SREBF2: variants seen among roughly 807,000 people sequenced by gnomAD.
The protein encoded by SREBF2 is sterol regulatory element binding transcription factor 2.
Under a neutral mutation model 113.1 loss-of-function variants are expected in SREBF2, and 55 were observed. That is an observed-to-expected ratio of 0.49 (90% confidence interval 0.39 to 0.61). The LOEUF (loss-of-function observed/expected upper bound fraction) is 0.61. Among genes scored for constraint, SREBF2 ranks in the 20% least tolerant of loss-of-function variants. The probability of loss-of-function intolerance (pLI) is 0.00; values close to 1 mark genes in which losing one functional copy is unlikely to be tolerated. For missense variants in SREBF2, 1,349 were observed against 1,487.4 expected, an observed-to-expected ratio of 0.91 and a Z score of 1.53; for synonymous variants, 593 against 605.7, an observed-to-expected ratio of 0.98 and a Z score of 0.31.
chr22:41,850,147 A>G (rs974857698), intron 1 of SREBF2, among the ~76,000 whole-genome samples: 1 of 150,174 alleles, frequency 6.7e-6, no homozygotes, highest in African/African-American at 2.5e-5. Context: ...CTCAAAAGAA[A>G]AAAAGAAAGT....
intron 1 of SREBF2, among the ~76,000 whole-genome samples, chr22:41,864,512 G>A (rs189056299): frequency 1.3e-5 from 2 of 150,512 alleles, no homozygotes; most frequent in Non-Finnish European, 3.0e-5. Flanking sequence ...AGTAGAGACG[G>A]GGTTTCACCG....
rs1172860405 is a variant in SREBF2, at chr22:41,875,362, A to G, written c.1115A>G (p.Lys372Arg). The change falls in exon 6 of 19, where the codon AAG (lysine) becomes AGG (arginine). Residue 372 changes from lysine to arginine, a missense_variant. Lys to Arg is a conservative substitution (Grantham distance 26). Transcript: ENST00000361204. ...AKMHKSGVLRKAIDYIKYLQQ... is the reference protein window; with the variant it reads ...AKMHKSGVLRRAIDYIKYLQQ... ...ATGCACAAGTCTGGCGTTCTGAGGA[A>G]GGCCATTGATTACATCAAATACTTG... is the stretch of plus-strand genomic sequence containing the variant. 1 of 1,614,014 alleles carries G rather than the reference A, an allele frequency of 6.2e-7. No homozygotes were observed. The highest frequency in any genetic ancestry group is 1.7e-5 in the Admixed American group (1 of 60,024).
chr22:41,884,736 C>A, intron 10 of SREBF2, 106 bp from the exon 11 acceptor site: 3 of 1,233,402 alleles, frequency 2.4e-6, no homozygotes, highest in East Asian at 2.3e-5. Flanking sequence ...AAGTTCACCT[C>A]GCTTCTCCCC....
intron 11 of SREBF2, among the ~76,000 whole-genome samples, chr22:41,890,691 G>C (rs1387859090): frequency 6.7e-6 from 1 of 148,756 alleles, no homozygotes; most frequent in Non-Finnish European, 1.5e-5. Flanking sequence ...TTTTTGGCTT[G>C]GGATTACAAG....
intron 1 of SREBF2, among the ~76,000 whole-genome samples, chr22:41,851,503 G>T (rs60804715): frequency 0.14 from 21,247 of 151,376 alleles, 1,560 homozygotes; most frequent in South Asian, 0.19. Flanking sequence ...TTGTTTGTTT[G>T]TTTTTTTGAG....
chr22:41,852,956 G>T (rs1602281880), intron 1 of SREBF2, among the ~76,000 whole-genome samples: 1 of 151,868 alleles, frequency 6.6e-6, no homozygotes, highest in Non-Finnish European at 1.5e-5. Flanking sequence ...CACCATGTTG[G>T]CCAGGCTTGT....
rs1052281420 is a variant in SREBF2, at chr22:41,884,927, C to T, written c.2124C>T (p.Ile708=). 1 of 1,614,038 alleles carries T rather than the reference C, an allele frequency of 6.2e-7. No homozygotes were observed. The highest frequency in any genetic ancestry group is 1.7e-5 in the Admixed American group (1 of 60,018). Residue 708 remains isoleucine, a synonymous_variant, in exon 11 of 19, where the codon ATC becomes ATT. Coordinates refer to ENST00000361204, the MANE Select transcript of SREBF2 (RefSeq NM_004599.4). The stretch of plus-strand genomic sequence containing the variant: ...TGGCTGAATGTGCAGAGGAGAAGAT[C>T]CCACCGAGCACACTGGTTGAGATCC... ...VNLAECAEEK[I]PPSTLVEIHL...
chr22:41,864,600 G>A (rs1371042176), intron 1 of SREBF2, among the ~76,000 whole-genome samples: 2 of 151,814 alleles, frequency 1.3e-5, no homozygotes, highest in Admixed American at 6.6e-5. Context: ...GATTATAGGC[G>A]TGAGTCACCG....
At position 41,903,075 on chromosome 22, in the gene SREBF2, G is replaced by C. The variant is rs1449642128; in HGVS notation, c.3013G>C (p.Gly1005Arg). The C allele has an allele frequency of 1.9e-6, 3 of 1,595,798 alleles. No homozygotes were observed. The East Asian group carries it at 6.8e-5, about 36-fold the overall frequency. ...QAVGETYHAS[G>R]AELAGFQRDL... ...TGTGGGGGAGACCTACCACGCGTCAGGCGCTGAACTGGCGGGCTTCCAACG... is the reference window on the plus strand; with the variant it reads ...TGTGGGGGAGACCTACCACGCGTCACGCGCTGAACTGGCGGGCTTCCAACG... Residue 1005 changes from glycine (G) to arginine (R), a missense_variant, in exon 17 of 19, where the codon GGC (glycine) becomes CGC (arginine). By Grantham distance (125) the Gly-to-Arg change is moderately radical (BLOSUM62 -2). Coordinates refer to ENST00000361204, the MANE Select transcript of SREBF2 (RefSeq NM_004599.4).
chr22:41,871,853 C>T (rs1374131206), intron 4 of SREBF2, among the ~76,000 whole-genome samples: 4 of 149,274 alleles, frequency 2.7e-5, no homozygotes, highest in Non-Finnish European at 4.4e-5. Flanking sequence ...GAGCCGAGAT[C>T]GCACCACTGC....
chr22:41,902,841 T>G, intron 16 of SREBF2, 129 bp from the exon 17 acceptor site: 1 of 1,039,004 alleles, frequency 9.6e-7, no homozygotes, highest in South Asian at 1.4e-5. Context: ...TTCACCAGAC[T>G]CTGGGGCTCT....
At chr22:41,890,315 G>A (rs1029472995) in intron 11 of SREBF2, among the ~76,000 whole-genome samples, 3 of 152,214 alleles carry the variant, frequency 2.0e-5, no homozygotes, top group Non-Finnish European at 2.9e-5. Context: ...TCTCAATGCT[G>A]AGGCTGCATG....
chr22:41,883,416 G>A (rs1160078033), intron 10 of SREBF2, among the ~76,000 whole-genome samples: 3 of 152,138 alleles, frequency 2.0e-5, no homozygotes, highest in East Asian at 1.9e-4. Flanking sequence ...TAGAATTTTA[G>A]CAGAAGGTCC....
At chr22:41,904,013 C>G (rs948497882) in intron 17 of SREBF2, among the ~76,000 whole-genome samples, 1 of 152,238 alleles carries the variant, frequency 6.6e-6, no homozygotes, top group Non-Finnish European at 1.5e-5. Flanking sequence ...CTGGTCAGCT[C>G]TCTGGTCTGC....
At chr22:41,861,527 G>A (rs963349898) in intron 1 of SREBF2, among the ~76,000 whole-genome samples, 11 of 151,868 alleles carry the variant, frequency 7.2e-5, no homozygotes, top group African/African-American at 2.7e-4. Context: ...GATGACTCAA[G>A]AATAGTGGAA....
intron 10 of SREBF2, among the ~76,000 whole-genome samples, chr22:41,883,704 T>C (rs548193170): frequency 6.6e-6 from 1 of 152,228 alleles, no homozygotes; most frequent in East Asian, 1.9e-4. Flanking sequence ...CTGAGGCCAG[T>C]ACAGAATGGA....
intron 1 of SREBF2, among the ~76,000 whole-genome samples, chr22:41,851,634 C>T (rs939043276): frequency 6.6e-6 from 1 of 152,080 alleles, no homozygotes; most frequent in Non-Finnish European, 1.5e-5. Flanking sequence ...GCTGGGATTA[C>T]AGGTGCGTAC....
Position 41,877,546 on chromosome 22 carries a change from T to C in SREBF2, c.1579+125T>C, listed in dbSNP as rs910970454. 41 of 1,121,266 alleles carry C rather than the reference T, an allele frequency of 3.7e-5. No individual in the cohort carries two copies. In the African/African-American group the frequency reaches 4.8e-4, roughly 13 times the overall value. 69.5% of individuals were successfully genotyped at this position (1,121,266 alleles called of 1,614,324 possible). A position where few individuals can be genotyped will look rare whatever the true frequency, so the allele number is the denominator to read the frequency against. On this transcript the variant is annotated intron_variant, in intron 8 of 18. Transcript: ENST00000361204. ...AGGGCTTTTATAGTGGGCCCCCACC[T>C]GCTTGCTTCTGATAGGGACTGGCAT...
intron 10 of SREBF2, 83 bp downstream of exon 10, chr22:41,881,075 C>A: frequency 2.0e-6 from 3 of 1,537,228 alleles, no homozygotes; most frequent in South Asian, 1.2e-5. Flanking sequence ...GCCAGTTCTG[C>A]ACCCTAGCTG....
Sources: allele counts gnomAD v4.1 joint callset (sites outside exome capture counted in the v4.1 genomes callset), GRCh38; gene constraint gnomAD v4.1.1; transcripts MANE v1.5; gene names NCBI Gene and HGNC (gene_info 2026-07-23, HGNC 2026-07-21).